The following FAM151A variants were observed in gnomAD, a reference collection of about 807,000 sequenced individuals.
The protein encoded by FAM151A is protein FAM151A.
In FAM151A, 41 loss-of-function variants were observed where a neutral mutation model predicts 40.4. The ratio of observed to expected loss-of-function variants is 1.01; its 90% CI spans 0.79 to 1.32. The LOEUF (loss-of-function observed/expected upper bound fraction) is 1.32. FAM151A is among the 40% of genes most tolerant of loss of function. The pLI is 0.00. For missense variants in FAM151A, 740 were observed against 740.4 expected (o/e 1.00, Z 0.01); for synonymous variants, 337 against 312.5 (o/e 1.08, Z -0.83).
intron 2 of FAM151A, among the ~76,000 whole-genome samples, chr1:54,619,051 A>AGACAAG (rs1463950235): frequency 2.6e-5 from 4 of 152,158 alleles, no homozygotes; most frequent in Non-Finnish European, 4.4e-5. Context: ...ACCAGCCCTC[A>AGACAAG]GACCCCAGTT....
intron 5 of FAM151A, 55 bp from the exon 6 acceptor site, chr1:54,611,800 C>T: frequency 1.2e-6 from 2 of 1,606,250 alleles, no homozygotes; most frequent in Non-Finnish European, 1.7e-6. Flanking sequence ...GACCCTCAGC[C>T]CCACTCCTGT....
At position 54,609,879 on chromosome 1, in the gene FAM151A, G is replaced by GC. The variant is rs529394795; in HGVS notation, c.1146dup (p.Pro383AlafsTer87). 80 of 1,613,344 alleles carry GC rather than the reference G, an allele frequency of 5.0e-5. No homozygotes were observed. The African/African-American group carries it at 9.9e-4, about 20-fold the overall frequency. ...TTGCCACTTGGAGTATGAACAATGGGCACGGGGTTTTCAGCCACAGTTCCC... is the reference window on the plus strand; with the variant it reads ...TTGCCACTTGGAGTATGAACAATGGGCCACGGGGTTTTCAGCCACAGTTCCC... On this transcript the variant is annotated frameshift_variant, in exon 8 of 8. Transcript: ENST00000302250. LOFTEE classifies it low-confidence loss of function (END_TRUNC).
chr1:54,612,324 C>A (rs1644127505), intron 5 of FAM151A, among the ~76,000 whole-genome samples, 162 bp downstream of exon 5: 1 of 151,692 alleles, frequency 6.6e-6, no homozygotes, highest in South Asian at 2.1e-4. Context: ...TAGCCCGTCA[C>A]CAGAGGTATG....
Position 54,618,339 on chromosome 1 carries a change from A to T in FAM151A, c.262+1525T>A, listed in dbSNP as rs554959965. On this transcript the variant is annotated intron_variant, in intron 2 of 7. Coordinates refer to ENST00000302250, the MANE Select transcript of FAM151A (RefSeq NM_176782.3). ...GTCAACATGGTGAAAACCCATCTCT[A>T]CTAAAAATACAAAAATTAGCCAGGC... Among the ~76,000 whole-genome samples, 13 of 152,222 alleles carry T rather than the reference A, an allele frequency of 8.5e-5. No homozygotes were observed. In the South Asian group the frequency reaches 2.7e-3, roughly 32 times the overall value.
rs749265596 is a variant in FAM151A at position 54,619,984 on chromosome 1, G to A, written c.142C>T (p.Pro48Ser). The change falls in exon 2 of 8, where the codon CCT becomes TCT. Residue 48 changes from proline to serine, a missense_variant. Pro to Ser is a moderately conservative substitution (Grantham distance 74). Coordinates refer to ENST00000302250, the MANE Select transcript of FAM151A (RefSeq NM_176782.3). The stretch of plus-strand genomic sequence containing the variant: ...AGGTAGTCCAGCATGTCGGCATCAG[G>A]GCTGCAGGCCTCCAGCTCACAGCCT... ...RPGCELEACS[P>S]DADMLDYLLS... 1 of 1,613,850 alleles carries A rather than the reference G, an allele frequency of 6.2e-7. No individual in the cohort carries two copies. Among genetic ancestry groups the A allele is most frequent in the African/African-American group, 1.3e-5 (1 of 74,930 alleles).
intron 1 of FAM151A, among the ~76,000 whole-genome samples, chr1:54,622,224 C>T (rs553456601): frequency 7.6e-5 from 11 of 144,306 alleles, no homozygotes; most frequent in Admixed American, 7.3e-4. Flanking sequence ...TGCAGTGAGC[C>T]GATATCATGT....
rs1644209015 is a variant in FAM151A, at chr1:54,619,609, G to A, written c.262+255C>T. ...GTTTGGTCCCTGACAGGTCGAGGAA[G>A]GGGTAGCTGGGAGGGAGGACAGTAT... On this transcript the variant is annotated intron_variant, in intron 2 of 7. Coordinates refer to ENST00000302250, the MANE Select transcript of FAM151A (RefSeq NM_176782.3). Among the ~76,000 whole-genome samples, 5 of 152,196 alleles carry A rather than the reference G, an allele frequency of 3.3e-5. No individual in the cohort carries two copies. The South Asian group carries it at 8.3e-4, about 25-fold the overall frequency.
rs898856439 is a variant in FAM151A at position 54,614,824 on chromosome 1, C to A, written c.451G>T (p.Gly151Cys). 2 of 1,613,984 alleles carry A rather than the reference C, an allele frequency of 1.2e-6. No individual in the cohort carries two copies. Among genetic ancestry groups the A allele is most frequent in the Non-Finnish European group, 1.7e-6 (2 of 1,180,010 alleles). Residue 151 changes from glycine to cysteine, a missense_variant, in exon 4 of 8, where the codon GGC becomes TGC. Gly to Cys is a radical substitution (Grantham distance 159). Transcript: ENST00000302250. ...TGCCGCAGGAGGTCCAGGGAGGGGCCCACTGCCTTGATGTTCTTGAAGTCC... is the reference window on the plus strand; with the variant it reads ...TGCCGCAGGAGGTCCAGGGAGGGGCACACTGCCTTGATGTTCTTGAAGTCC... ...KLDFKNIKAVGPSLDLLRQLT... is the reference protein window; with the variant it reads ...KLDFKNIKAVCPSLDLLRQLT...
At chr1:54,619,826 T>C (rs11206396) in intron 2 of FAM151A, 38 bp downstream of exon 2, 746,312 of 1,604,722 alleles carry the variant, frequency 0.47, 178,729 homozygotes, top group African/African-American at 0.66. Flanking sequence ...TCTCTATCCC[T>C]TGCCCTGGCC....
intron 3 of FAM151A, among the ~76,000 whole-genome samples, chr1:54,615,789 C>T (rs1224811663): frequency 1.3e-5 from 2 of 152,170 alleles, no homozygotes; most frequent in Non-Finnish European, 1.5e-5. Flanking sequence ...ACTGTACTGC[C>T]GGCTGTCTCC....
chr1:54,617,553 A>G (rs1159204576), intron 2 of FAM151A, among the ~76,000 whole-genome samples: 2 of 151,580 alleles, frequency 1.3e-5, no homozygotes, highest in African/African-American at 4.9e-5. Context: ...CTGTACAATC[A>G]GGGCCTGCCA....
intron 3 of FAM151A, among the ~76,000 whole-genome samples, chr1:54,615,582 T>A (rs1237973119): frequency 6.7e-6 from 1 of 149,902 alleles, no homozygotes; most frequent in Non-Finnish European, 1.5e-5. Flanking sequence ...GGGTTAGGGG[T>A]TAGGATTGGT....
At chr1:54,611,073 G>A (rs940026142) in intron 6 of FAM151A, 2 of 945,654 alleles carry the variant, frequency 2.1e-6, no homozygotes, top group Non-Finnish European at 2.5e-6. Context: ...CTGAGTGACT[G>A]TATAAATTCC....
chr1:54,610,592 C>A (rs1190268891), intron 6 of FAM151A, 37 bp from the exon 7 acceptor site: 1 of 1,599,202 alleles, frequency 6.3e-7, no homozygotes, highest in Non-Finnish European at 8.5e-7. Flanking sequence ...AAGTGGCTGC[C>A]ATTCACAGAA....
At chr1:54,614,292 G>C (rs1175819466) in intron 4 of FAM151A, among the ~76,000 whole-genome samples, 1 of 152,170 alleles carries the variant, frequency 6.6e-6, no homozygotes, top group Non-Finnish European at 1.5e-5. Flanking sequence ...TTCTCTAGCA[G>C]GCCAAATCCT....
At chr1:54,620,227 G>A (rs1465211777) in intron 1 of FAM151A, among the ~76,000 whole-genome samples, 1 of 152,202 alleles carries the variant, frequency 6.6e-6, no homozygotes, top group African/African-American at 2.4e-5. Flanking sequence ...GTCAGGAAAG[G>A]GGGCAGGTTC....
chr1:54,609,200 T>C lies in FAM151A; in HGVS notation c.*68A>G. On this transcript the variant is annotated 3_prime_UTR_variant, in exon 8 of 8. Coordinates refer to ENST00000302250, the MANE Select transcript of FAM151A (RefSeq NM_176782.3). ...AGTGCCTGGAGAAAGCCAAAGACCTTTATTTCTTCCTGCCTCCCCGTGGGA... is the reference window on the plus strand; with the variant it reads ...AGTGCCTGGAGAAAGCCAAAGACCTCTATTTCTTCCTGCCTCCCCGTGGGA... 6.3e-7 allele frequency: 1 copy of C among 1,594,542 alleles called. No homozygotes were observed. Among genetic ancestry groups the C allele is most frequent in the Non-Finnish European group, 8.6e-7 (1 of 1,169,024 alleles).
At chr1:54,613,103 G>A (rs933783686) in intron 4 of FAM151A, among the ~76,000 whole-genome samples, 1 of 152,136 alleles carries the variant, frequency 6.6e-6, no homozygotes, top group African/African-American at 2.4e-5. Flanking sequence ...CCTCCTGCCA[G>A]GTGTGGTGGC....
intron 4 of FAM151A, among the ~76,000 whole-genome samples, chr1:54,613,185 G>A (rs1644136911): frequency 6.6e-6 from 1 of 151,984 alleles, no homozygotes; most frequent in Non-Finnish European, 1.5e-5. Flanking sequence ...TTCGAGACCA[G>A]CCTGACCAAC....
Sources: allele counts gnomAD v4.1 joint callset (sites outside exome capture counted in the v4.1 genomes callset), GRCh38; gene constraint gnomAD v4.1.1; transcripts MANE v1.5; gene names NCBI Gene and HGNC (gene_info 2026-07-23, HGNC 2026-07-21).